PALLD: variants seen among roughly 807,000 people sequenced by gnomAD.
The protein encoded by PALLD is palladin.
Under a neutral mutation model 123.5 loss-of-function variants are expected in PALLD, and 61 were observed. That is an observed-to-expected ratio of 0.49 (90% CI 0.40 to 0.61). The LOEUF is 0.61. PALLD is among the 20% of genes least tolerant of loss of function. The pLI is 0.00. For missense variants in PALLD, 1,273 were observed against 1,377.0 expected, an observed-to-expected ratio of 0.92 and a Z score of 1.20; for synonymous variants, 465 against 496.4, an observed-to-expected ratio of 0.94 and a Z score of 0.84.
At chr4:168,785,086 T>C (rs1385014571) in intron 10 of PALLD, among the ~76,000 whole-genome samples, 205 of 84,256 alleles carry the variant, frequency 2.4e-3, no homozygotes, top group African/African-American at 6.8e-3. Flanking sequence ...TTTTTTTTTT[T>C]TGTAATGAAA....
chr4:168,920,450 GT>G (rs1346041533), intron 17 of PALLD, among the ~76,000 whole-genome samples: 1 of 152,154 alleles, frequency 6.6e-6, no homozygotes, highest in Admixed American at 6.5e-5. Context: ...CAAAAGAACT[GT>G]TTTACAGTCT....
At chr4:168,716,260 C>T (rs757678241) in intron 10 of PALLD, among the ~76,000 whole-genome samples, 7 of 152,076 alleles carry the variant, frequency 4.6e-5, no homozygotes, top group Admixed American at 2.0e-4. Context: ...AAGGGTGATG[C>T]GATGGGCAAG....
At chr4:168,540,821 G>A (rs1044830114) in intron 2 of PALLD, among the ~76,000 whole-genome samples, 4 of 149,238 alleles carry the variant, frequency 2.7e-5, no homozygotes, top group South Asian at 2.1e-4. Context: ...AAAAAAAAAA[G>A]CACTTGCTCC....
intron 2 of PALLD, among the ~76,000 whole-genome samples, chr4:168,566,346 T>A (rs1768376761): frequency 6.6e-6 from 1 of 152,156 alleles, no homozygotes; most frequent in Non-Finnish European, 1.5e-5. Flanking sequence ...TCACCCAGGC[T>A]GGAATGCAAT....
At chr4:168,850,775 G>A (rs566033545) in intron 10 of PALLD, among the ~76,000 whole-genome samples, 38 of 151,622 alleles carry the variant, frequency 2.5e-4, no homozygotes, top group African/African-American at 2.9e-4. Context: ...CAGGTGATCC[G>A]CCCGCCTCGG....
intron 2 of PALLD, among the ~76,000 whole-genome samples, chr4:168,639,624 A>G (rs1481463653): frequency 2.6e-5 from 4 of 151,458 alleles, no homozygotes; most frequent in Non-Finnish European, 4.4e-5. Context: ...GCTCACTGCA[A>G]GCTCCACCTC....
chr4:168,826,094 G>A (rs933138670), intron 10 of PALLD, among the ~76,000 whole-genome samples: 1 of 152,130 alleles, frequency 6.6e-6, no homozygotes, highest in Admixed American at 6.5e-5. Context: ...ACATAAACAG[G>A]CAAATTCTCA....
Position 168,508,411 on chromosome 4 carries a change from C to T in PALLD, c.-82-3012C>T, listed in dbSNP as rs1460006785. 4.6e-5 allele frequency among the ~76,000 whole-genome samples: 7 copies of T among 152,354 alleles called. No individual in the cohort carries two copies. The East Asian group carries it at 7.7e-4, about 17-fold the overall frequency. ...AGGTCATATCCCCGTCCCTAGCGCA[C>T]TACCAGGCATGTGGTAGATAGTCCA... is the stretch of plus-strand genomic sequence containing the variant. On this transcript the variant is annotated intron_variant, in intron 1 of 21. Coordinates refer to ENST00000505667, the MANE Select transcript of PALLD (RefSeq NM_001166108.2).
At chr4:168,759,421 A>G (rs1217796171) in intron 10 of PALLD, among the ~76,000 whole-genome samples, 1 of 151,550 alleles carries the variant, frequency 6.6e-6, no homozygotes, top group African/African-American at 2.4e-5. Flanking sequence ...TCTACTTGGC[A>G]GGAAGGTACC....
In PALLD at chr4:168,837,437, T is replaced by C. The variant is rs529735679; in HGVS notation, c.1965-53485T>C. Among the ~76,000 whole-genome samples the C allele has an allele frequency of 8.5e-4, 130 of 152,362 alleles. 1 individual carries two copies. Among genetic ancestry groups the C allele is most frequent in the South Asian group, 6.8e-3 (33 of 4,830 alleles). On this transcript the variant is annotated intron_variant, in intron 10 of 21. Transcript: ENST00000505667. ...AAGGAAAGCACATATGTAGACATCT[T>C]ATTTTTCTTTTTCATGCCAGTCTAC...
At position 168,924,268 on chromosome 4, in the gene PALLD, C is replaced by G; in HGVS notation, c.3072C>G (p.His1024Gln). The G allele has an allele frequency of 6.2e-7, 1 of 1,613,838 alleles. No homozygotes were observed. The highest frequency in any genetic ancestry group is 1.1e-5 in the South Asian group (1 of 91,072). Reference sequence around the variant, plus strand: ...ATGTTTTCTTAGCTAAAGAAGCACACAAACCCCCTGTGTTTATTGAGAAGC... The same window carrying G: ...ATGTTTTCTTAGCTAAAGAAGCACAGAAACCCCCTGTGTTTATTGAGAAGC... ...LELVVAAKEA[H>Q]KPPVFIEKLQ... Residue 1024 changes from histidine to glutamine, a missense_variant, in exon 19 of 22, where the codon CAC becomes CAG. His to Gln is a conservative substitution (Grantham distance 24, BLOSUM62 0). Transcript: ENST00000505667.
intron 2 of PALLD, among the ~76,000 whole-genome samples, chr4:168,602,682 A>G (rs1300696289): frequency 6.6e-6 from 1 of 152,186 alleles, no homozygotes; most frequent in Non-Finnish European, 1.5e-5. Context: ...AATTACCTTA[A>G]AAGTAAGGGA....
At chr4:168,629,293 C>G (rs1440937507) in intron 2 of PALLD, among the ~76,000 whole-genome samples, 2 of 151,994 alleles carry the variant, frequency 1.3e-5, no homozygotes, top group Non-Finnish European at 2.9e-5. Flanking sequence ...GGATTACAGA[C>G]GTGAGCCACC....
At chr4:168,648,398 A>G (rs1777698640) in intron 2 of PALLD, 2 of 152,218 alleles carry the variant, frequency 1.3e-5, no homozygotes, top group African/African-American at 4.8e-5. Context: ...AGATAGATGC[A>G]AATTCTATAT....
chr4:168,502,879 G>T (rs1049785899), intron 1 of PALLD, among the ~76,000 whole-genome samples: 2 of 152,174 alleles, frequency 1.3e-5, no homozygotes, highest in East Asian at 1.9e-4. Context: ...AGTCCAGGCC[G>T]GGAGACAGAA....
chr4:168,713,457 G>A (rs1785030140), intron 10 of PALLD, among the ~76,000 whole-genome samples: 1 of 152,196 alleles, frequency 6.6e-6, no homozygotes, highest in South Asian at 2.1e-4. Flanking sequence ...CTTGACTGTG[G>A]TCTTGATTAA....
At chr4:168,750,092 C>T (rs1730847699) in intron 10 of PALLD, among the ~76,000 whole-genome samples, 1 of 152,082 alleles carries the variant, frequency 6.6e-6, no homozygotes, top group Non-Finnish European at 1.5e-5. Flanking sequence ...GGATTACAGG[C>T]ACCTGCCACC....
chr4:168,772,330 T>C (rs1734568623), intron 10 of PALLD, among the ~76,000 whole-genome samples: 1 of 152,198 alleles, frequency 6.6e-6, no homozygotes, highest in Non-Finnish European at 1.5e-5. Flanking sequence ...CTTTCACCCT[T>C]TCAATGTTCA....
chr4:168,791,124 G>C (rs1351724905), intron 10 of PALLD, among the ~76,000 whole-genome samples: 1 of 152,164 alleles, frequency 6.6e-6, no homozygotes, highest in Non-Finnish European at 1.5e-5. Context: ...TAGGGCCCAG[G>C]AGGAAGTGTG....
Sources: allele counts gnomAD v4.1 joint callset (sites outside exome capture counted in the v4.1 genomes callset), GRCh38; gene constraint gnomAD v4.1.1; transcripts MANE v1.5; gene names NCBI Gene and HGNC (gene_info 2026-07-23, HGNC 2026-07-21).